The following NR3C2 variants were observed in gnomAD, a reference collection of about 807,000 sequenced individuals.
The protein encoded by NR3C2 is mineralocorticoid receptor.
Under a neutral mutation model 86.4 loss-of-function variants are expected in NR3C2, and 15 were observed. The observed-to-expected ratio is 0.17, with a 90% CI of 0.12 to 0.27. The LOEUF (loss-of-function observed/expected upper bound fraction) is 0.27. NR3C2 is among the 10% of genes least tolerant of loss of function. NR3C2 has a pLI of 1.00. For missense variants in NR3C2, 960 were observed against 1,195.6 expected, an observed-to-expected ratio of 0.80 and a Z score of 2.91; for synonymous variants, 458 against 450.5, an observed-to-expected ratio of 1.02 and a Z score of -0.21.
intron 2 of NR3C2, among the ~76,000 whole-genome samples, chr4:148,266,671 G>C (rs754638474): frequency 2.0e-5 from 3 of 152,176 alleles, no homozygotes; most frequent in Non-Finnish European, 2.9e-5. Flanking sequence ...GTTTTAAGGA[G>C]TCAGGTCACA....
chr4:148,410,973 A>G (rs1170758309), intron 2 of NR3C2, among the ~76,000 whole-genome samples: 1 of 152,222 alleles, frequency 6.6e-6, no homozygotes, highest in Non-Finnish European at 1.5e-5. Flanking sequence ...AACCTTAGAT[A>G]ATCTTCAGTA....
intron 6 of NR3C2, among the ~76,000 whole-genome samples, chr4:148,147,792 G>GA (rs1733936815): frequency 6.6e-6 from 1 of 152,206 alleles, no homozygotes; most frequent in South Asian, 2.1e-4. Flanking sequence ...ATGGCTCAGC[G>GA]AAAGCATATA....
chr4:148,429,966 C>T (rs1331317908), intron 2 of NR3C2, among the ~76,000 whole-genome samples: 1 of 152,106 alleles, frequency 6.6e-6, no homozygotes, highest in Non-Finnish European at 1.5e-5. Flanking sequence ...AAAAGTACTA[C>T]TTTGCAGAAA....
intron 2 of NR3C2, among the ~76,000 whole-genome samples, chr4:148,401,034 A>G (rs1512326): frequency 0.97 from 148,153 of 152,296 alleles, 72,138 homozygotes; most frequent in Non-Finnish European, 0.99. Flanking sequence ...ATCAAACACC[A>G]TGAGTATTCA....
chr4:148,243,075 G>C (rs1195994602), intron 3 of NR3C2, among the ~76,000 whole-genome samples: 1 of 150,114 alleles, frequency 6.7e-6, no homozygotes, highest in Admixed American at 6.7e-5. Flanking sequence ...CTGTCACCCA[G>C]GCTGGAGTAC....
chr4:148,221,435 CT>C (rs1457998125), intron 3 of NR3C2, among the ~76,000 whole-genome samples: 1 of 152,074 alleles, frequency 6.6e-6, no homozygotes, highest in Non-Finnish European at 1.5e-5. Flanking sequence ...CAAATGAAAA[CT>C]GGTGGTAAAA....
At chr4:148,092,662 A>G (rs1194969543) in intron 8 of NR3C2, among the ~76,000 whole-genome samples, 1 of 152,318 alleles carries the variant, frequency 6.6e-6, no homozygotes. Flanking sequence ...TGTGGCACCA[A>G]TATTGCAAAA....
intron 6 of NR3C2, among the ~76,000 whole-genome samples, chr4:148,128,765 T>C (rs1732869180): frequency 6.6e-6 from 1 of 152,180 alleles, no homozygotes. Context: ...CCCAAGGTGT[T>C]ACCCCTGAAA....
At chr4:148,217,993 G>A (rs749562283) in intron 3 of NR3C2, among the ~76,000 whole-genome samples, 3 of 152,164 alleles carry the variant, frequency 2.0e-5, no homozygotes, top group Admixed American at 6.5e-5. Flanking sequence ...GTCTATAATC[G>A]CTGGGAGGTT....
chr4:148,186,605 T>C (rs187957303), intron 4 of NR3C2, among the ~76,000 whole-genome samples: 59 of 152,250 alleles, frequency 3.9e-4, no homozygotes, highest in African/African-American at 1.3e-3. Context: ...CACAGTATTG[T>C]ACATAATCTA....
intron 2 of NR3C2, among the ~76,000 whole-genome samples, chr4:148,264,369 G>A (rs934131362): frequency 6.6e-6 from 1 of 152,172 alleles, no homozygotes; most frequent in Non-Finnish European, 1.5e-5. Flanking sequence ...TCACAAAATG[G>A]GGGGAGGCAG....
intron 3 of NR3C2, among the ~76,000 whole-genome samples, chr4:148,199,759 T>C (rs531526159): frequency 3.9e-5 from 6 of 152,280 alleles, no homozygotes; most frequent in South Asian, 2.1e-4. Context: ...TATAAAAAGG[T>C]AAAACATAGT....
At chr4:148,300,561 AT>A (rs1742286498) in intron 2 of NR3C2, among the ~76,000 whole-genome samples, 1 of 126,914 alleles carries the variant, frequency 7.9e-6, no homozygotes, top group African/African-American at 2.9e-5. Context: ...CAACTGAATT[AT>A]TTTTCTCCAT....
intron 2 of NR3C2, among the ~76,000 whole-genome samples, chr4:148,344,219 C>A (rs1169865247): frequency 6.6e-6 from 1 of 152,068 alleles, no homozygotes; most frequent in Non-Finnish European, 1.5e-5. Context: ...ATATTAATAG[C>A]TAGAGTTTTT....
intron 6 of NR3C2, among the ~76,000 whole-genome samples, chr4:148,149,175 T>C (rs1733998557): frequency 6.6e-6 from 1 of 152,194 alleles, no homozygotes; most frequent in African/African-American, 2.4e-5. Context: ...GAAGTCTGGG[T>C]TGGGTTGAGG....
chr4:148,091,331 G>A (rs1731051272), intron 8 of NR3C2, among the ~76,000 whole-genome samples: 1 of 152,230 alleles, frequency 6.6e-6, no homozygotes, highest in Non-Finnish European at 1.5e-5. Context: ...CCCAACCCTG[G>A]CCTGCTACAG....
intron 3 of NR3C2, among the ~76,000 whole-genome samples, chr4:148,231,259 C>G (rs938654550): frequency 6.6e-6 from 1 of 152,154 alleles, no homozygotes; most frequent in African/African-American, 2.4e-5. Context: ...TATTTCACAA[C>G]GAACCAAAAC....
At chr4:148,260,239 C>A in intron 2 of NR3C2, 122 bp from the exon 3 acceptor site, 1 of 1,219,432 alleles carries the variant, frequency 8.2e-7, no homozygotes, top group Non-Finnish European at 1.2e-6. Flanking sequence ...GTGTAATGAC[C>A]ACATACTATG....
chr4:148,254,321 C>T (rs947825756), intron 3 of NR3C2, among the ~76,000 whole-genome samples: 30 of 152,202 alleles, frequency 2.0e-4, no homozygotes, highest in African/African-American at 7.0e-4. Flanking sequence ...TTTAACCTCA[C>T]TTCCTATCAC....
Sources: allele counts gnomAD v4.1 joint callset (sites outside exome capture counted in the v4.1 genomes callset), GRCh38; gene constraint gnomAD v4.1.1; transcripts MANE v1.5; gene names NCBI Gene and HGNC (gene_info 2026-07-23, HGNC 2026-07-21).